Variants in PMS1 observed in about 807,000 individuals in gnomAD.
PMS1 encodes the protein PMS1 homolog 1, mismatch repair system component.
Under a neutral mutation model 93.1 loss-of-function variants are expected in PMS1, and 79 were observed. That is an observed-to-expected ratio of 0.85 (90% CI 0.71 to 1.02). The LOEUF (loss-of-function observed/expected upper bound fraction) is 1.02. Ranked by LOEUF, PMS1 falls within the 50% of genes least tolerant of loss-of-function variation. The pLI is 0.00. For synonymous variants in PMS1, 335 were observed against 363.4 expected (o/e 0.92, Z 0.89); for missense variants, 1,064 against 1,085.3 (o/e 0.98, Z 0.28).
intron 3 of PMS1, among the ~76,000 whole-genome samples, chr2:189,798,563 A>C (rs1216725977): frequency 6.6e-6 from 1 of 152,144 alleles, no homozygotes; most frequent in Non-Finnish European, 1.5e-5. Flanking sequence ...TAGAGGGTTC[A>C]ATTGGGCATT....
At chr2:189,877,163 A>G in intron 12 of PMS1, 109 bp from the exon 13 acceptor site, 1 of 904,982 alleles carries the variant, frequency 1.1e-6, no homozygotes, top group Non-Finnish European at 1.7e-6. Context: ...TTGTTGAGTG[A>G]ATTCATAAAA....
At chr2:189,835,454 G>A (rs1351373261) in intron 5 of PMS1, among the ~76,000 whole-genome samples, 1 of 152,122 alleles carries the variant, frequency 6.6e-6, no homozygotes, top group East Asian at 1.9e-4. Context: ...AAGCTGCTGT[G>A]GCTCATATTG....
At chr2:189,855,958 A>C (rs1244032740) in intron 9 of PMS1, 1 of 525,354 alleles carries the variant, frequency 1.9e-6, no homozygotes, top group Admixed American at 5.6e-5. Context: ...TGTGGAAAAA[A>C]TTTTAAACGT....
chr2:189,805,999 TAAA>T (rs2050310252), intron 4 of PMS1: 13 of 1,282,912 alleles, frequency 1.0e-5, no homozygotes, highest in Non-Finnish European at 1.3e-5. Flanking sequence ...TACTCCTCTG[TAAA>T]AACTAAGAGT....
rs763126626 is a variant in PMS1, at chr2:189,795,922, GC to G, written c.288del (p.Leu97TrpfsTer7). On this transcript the variant is annotated frameshift_variant, in exon 3 of 13. Transcript: ENST00000441310. LOFTEE classifies it high-confidence loss of function. ...NLTTYGFRGE[A>X]LGSICCIAEV... Reference sequence around the variant, plus strand: ...GACAACTTACGGTTTTCGTGGAGAAGCCTTGGGGTCAATTTGTTGTATAGCT... The same window carrying G: ...GACAACTTACGGTTTTCGTGGAGAAGCTTGGGGTCAATTTGTTGTATAGCT... 1 of 1,613,170 alleles carries G rather than the reference GC, an allele frequency of 6.2e-7. No individual in the cohort carries two copies. The highest frequency in any genetic ancestry group is 8.5e-7 in the Non-Finnish European group (1 of 1,179,120).
chr2:189,843,881 A>C, intron 5 of PMS1, 83 bp from the exon 6 acceptor site: 1 of 1,256,482 alleles, frequency 8.0e-7, no homozygotes, highest in Non-Finnish European at 1.2e-6. Flanking sequence ...GATGAATGCA[A>C]AATATAGGAA....
intron 10 of PMS1, among the ~76,000 whole-genome samples, chr2:189,864,661 A>G (rs2056401614): frequency 1.0e-4 from 2 of 19,786 alleles, no homozygotes; most frequent in Non-Finnish European, 1.8e-4. Flanking sequence ...GTCTCAGAAA[A>G]AAAAAAAAAA....
chr2:189,869,894 A>G (rs1001177546), intron 11 of PMS1, among the ~76,000 whole-genome samples: 3 of 152,020 alleles, frequency 2.0e-5, no homozygotes, highest in East Asian at 3.9e-4. Flanking sequence ...CCTGCCACTC[A>G]ATTCCAAGAG....
intron 2 of PMS1, among the ~76,000 whole-genome samples, chr2:189,793,419 C>T (rs1258365017): frequency 6.6e-6 from 1 of 152,182 alleles, no homozygotes; most frequent in Non-Finnish European, 1.5e-5. Context: ...GAGAACCATT[C>T]TTCTATATCA....
chr2:189,868,019 T>C (rs1272437003), intron 11 of PMS1, 90 bp downstream of exon 11: 1 of 1,133,614 alleles, frequency 8.8e-7, no homozygotes, highest in African/African-American at 1.5e-5. Flanking sequence ...ACAGATATGG[T>C]GGTATATTTT....
chr2:189,852,947 A>C (rs1457029396), intron 7 of PMS1, among the ~76,000 whole-genome samples, 170 bp downstream of exon 7: 1 of 152,212 alleles, frequency 6.6e-6, no homozygotes, highest in African/African-American at 2.4e-5. Flanking sequence ...CTTCCTGGCA[A>C]TTCTGGACTG....
intron 3 of PMS1, among the ~76,000 whole-genome samples, chr2:189,801,543 T>A (rs2049890328): frequency 6.6e-6 from 1 of 152,236 alleles, no homozygotes. Flanking sequence ...AAGAAATGTT[T>A]AAGAAACTAA....
intron 5 of PMS1, among the ~76,000 whole-genome samples, chr2:189,836,094 A>G (rs1021512121): frequency 4.6e-5 from 7 of 152,224 alleles, no homozygotes; most frequent in Admixed American, 2.0e-4. Context: ...GCATTGTACT[A>G]TTCACTTAAC....
chr2:189,866,870 A>G (rs1228522045), intron 10 of PMS1, among the ~76,000 whole-genome samples: 2 of 152,186 alleles, frequency 1.3e-5, no homozygotes, highest in African/African-American at 2.4e-5. Context: ...TAATTGCTAT[A>G]CAGTATCATA....
intron 10 of PMS1, among the ~76,000 whole-genome samples, chr2:189,865,597 G>T (rs2056582879): frequency 6.6e-6 from 1 of 151,968 alleles, no homozygotes; most frequent in Admixed American, 6.6e-5. Flanking sequence ...TTTTATTATT[G>T]GTTGTAATAT....
Position 189,877,276 on chromosome 2 carries a change from A to G in PMS1, c.2639A>G (p.Glu880Gly). Residue 880 changes from glutamate (E) to glycine (G), a missense_variant, in exon 13 of 13, where the codon GAA (glutamate) becomes GGA (glycine). Transcript: ENST00000441310. ...TGTGACTTTCCCTTTGGACAGGGAGAAGCAGTGCGTCTATCCAGACAATTA... is the reference window on the plus strand; with the variant it reads ...TGTGACTTTCCCTTTGGACAGGGAGGAGCAGTGCGTCTATCCAGACAATTA... ...PRKVISYLEG[E>G]AVRLSRQLPM... The G allele has an allele frequency of 1.2e-6, 2 of 1,613,500 alleles. No homozygotes were observed. Among genetic ancestry groups the G allele is most frequent in the Non-Finnish European group, 1.7e-6 (2 of 1,179,472 alleles).
intron 5 of PMS1, among the ~76,000 whole-genome samples, chr2:189,842,788 A>C (rs1283309821): frequency 6.6e-6 from 1 of 152,104 alleles, no homozygotes. Flanking sequence ...TCATTGAGCT[A>C]TAGGGCATGG....
chr2:189,853,832 C>T lies in PMS1; in HGVS notation c.823-107C>T, dbSNP rs918665230. 32 of 704,254 alleles carry T rather than the reference C, an allele frequency of 4.5e-5. No individual in the cohort carries two copies. The South Asian group carries it at 6.1e-4, about 13-fold the overall frequency. The allele number at this position is 704,254 out of a possible 1,614,324, so 43.6% of individuals were successfully genotyped here. A position where few individuals can be genotyped will look rare whatever the true frequency, so the allele number is the denominator to read the frequency against. Reference sequence around the variant, plus strand: ...GTGCCGGGTCATGATAATGCTTTTCCTAATAAGCAGTTGCATCTACTCAAT... The same window carrying T: ...GTGCCGGGTCATGATAATGCTTTTCTTAATAAGCAGTTGCATCTACTCAAT... On this transcript the variant is annotated intron_variant, in intron 7 of 12. Transcript: ENST00000441310.
At chr2:189,852,563 T>G (rs2054853012) in intron 6 of PMS1, 92 bp from the exon 7 acceptor site, 3 of 1,140,460 alleles carry the variant, frequency 2.6e-6, no homozygotes, top group Non-Finnish European at 3.9e-6. Context: ...AAAATCTGTT[T>G]TTTAATTTTT....
Sources: gnomAD v4.1 joint callset for allele counts (sites outside exome capture counted in the v4.1 genomes callset) on GRCh38, gnomAD v4.1.1 for gene constraint, MANE v1.5 for transcripts, NCBI Gene and HGNC (gene_info 2026-07-23, HGNC 2026-07-21) for gene names.